Variants in SCN1A observed in about 807,000 individuals in gnomAD.
The protein encoded by SCN1A is sodium channel protein type 1 subunit alpha.
Under a neutral mutation model 193.7 loss-of-function variants are expected in SCN1A, and 13 were observed. The ratio of observed to expected loss-of-function variants is 0.07; its 90% CI spans 0.04 to 0.11. The LOEUF is 0.11. Among genes scored for constraint, SCN1A ranks in the 10% least tolerant of loss-of-function variants. The pLI is 1.00. For synonymous variants in SCN1A, 781 were observed against 843.6 expected (o/e 0.93, Z 1.29); for missense variants, 1,432 against 2,451.1 (o/e 0.58, Z 8.78).
intron 2 of SCN1A, among the ~76,000 whole-genome samples, chr2:166,105,484 A>G (rs567382579): frequency 4.6e-4 from 70 of 152,338 alleles, no homozygotes; most frequent in African/African-American, 1.6e-3. Context: ...GAAACCCTTT[A>G]TATTAAAATA....
intron 9 of SCN1A, among the ~76,000 whole-genome samples, chr2:166,049,758 C>T (rs2105878734): frequency 6.6e-6 from 1 of 152,064 alleles, no homozygotes; most frequent in South Asian, 2.1e-4. Context: ...TTGAATTATT[C>T]TTAGGATGAC....
chr2:166,112,489 C>CT (rs1259287156), intron 2 of SCN1A, among the ~76,000 whole-genome samples: 2 of 152,088 alleles, frequency 1.3e-5, no homozygotes, highest in Non-Finnish European at 2.9e-5. Context: ...GTGTGACTCA[C>CT]TTTATTGCAA....
Position 166,077,764 on chromosome 2 carries a change from C to T in SCN1A, c.-104G>A, listed in dbSNP as rs58351961. 11,676 of 152,256 alleles carry T rather than the reference C, an allele frequency of 0.077. 1,218 individuals are homozygous for T. The highest frequency in any genetic ancestry group is 0.24 in the African/African-American group (9,882 of 41,468). The allele number at this position is 152,256 out of a possible 1,614,324, so 9.4% of individuals were successfully genotyped here. A position where few individuals can be genotyped will look rare whatever the true frequency, so the allele number is the denominator to read the frequency against. On this transcript the variant is annotated 5_prime_UTR_variant, in exon 3 of 29. In the 5' UTR this introduces an upstream ATG that the reference lacks. Coordinates refer to ENST00000674923, the MANE Select transcript of SCN1A (RefSeq NM_001165963.4). ...TTATGTCCACACAAAATCCTGCACA[C>T]GGATGTATACAGCAGCCTTATTCAT...
intron 10 of SCN1A, among the ~76,000 whole-genome samples, chr2:166,048,379 A>T (rs1253728975): frequency 6.6e-6 from 1 of 151,928 alleles, no homozygotes. Flanking sequence ...GGTAGGCCCT[A>T]GTGTGTGTTG....
At chr2:166,088,056 T>G (rs900220583) in intron 2 of SCN1A, among the ~76,000 whole-genome samples, 96 of 146,844 alleles carry the variant, frequency 6.5e-4, no homozygotes, top group African/African-American at 2.4e-3. Flanking sequence ...ATCTGTGTGT[T>G]TGTGTGTGTG....
rs149489734 is a variant in SCN1A at position 166,074,294 on chromosome 2, G to A, written c.-49-624C>T. Among the ~76,000 whole-genome samples, 1,091 of 152,272 alleles carry A rather than the reference G, an allele frequency of 7.2e-3. 7 individuals carry two copies. Among genetic ancestry groups the A allele is most frequent in the Admixed American group, 0.017 (263 of 15,284 alleles). Reference sequence around the variant, plus strand: ...ACACATAAAGATAAAGACAGTCCACGGTTGGACAAATGTCATTTATGTGAG... The same window carrying A: ...ACACATAAAGATAAAGACAGTCCACAGTTGGACAAATGTCATTTATGTGAG... On this transcript the variant is annotated intron_variant, in intron 3 of 28. Coordinates refer to ENST00000674923, the MANE Select transcript of SCN1A (RefSeq NM_001165963.4).
chr2:166,069,089 G>C (rs1453109832), intron 4 of SCN1A, among the ~76,000 whole-genome samples: 2 of 152,176 alleles, frequency 1.3e-5, no homozygotes, highest in Non-Finnish European at 2.9e-5. Context: ...GGAAAAAAAG[G>C]TGTGTTCACA....
At chr2:166,001,879 C>CTT (rs71393699) in intron 24 of SCN1A, among the ~76,000 whole-genome samples, 32 of 46,402 alleles carry the variant, frequency 6.9e-4, no homozygotes, top group African/African-American at 1.4e-3. Flanking sequence ...AATTCTCTCT[C>CTT]TTTTTTTTTT....
intron 9 of SCN1A, among the ~76,000 whole-genome samples, chr2:166,050,670 G>T (rs1698455860): frequency 2.3e-5 from 2 of 87,968 alleles, no homozygotes; most frequent in Admixed American, 2.7e-4. Context: ...GTAGAGAAGG[G>T]GTCTCACTAT....
chr2:166,095,664 T>C (rs1452018715), intron 2 of SCN1A, among the ~76,000 whole-genome samples: 1 of 152,218 alleles, frequency 6.6e-6, no homozygotes, highest in Non-Finnish European at 1.5e-5. Flanking sequence ...GTATAGTTTG[T>C]TCTTGGTTCA....
rs1688621490 is a variant in SCN1A, at chr2:165,986,564, G to T, written c.*4681C>A. On this transcript the variant is annotated 3_prime_UTR_variant, in exon 29 of 29. Transcript: ENST00000674923. ...TTACTGCTAGGAAATGAGAATAGTA[G>T]TTAAAAAACCAGTATATATTGAATT... is the stretch of plus-strand genomic sequence containing the variant. 1 of 151,912 alleles carries T rather than the reference G, an allele frequency of 6.6e-6. No individual in the cohort carries two copies. Among genetic ancestry groups the T allele is most frequent in the African/African-American group, 2.4e-5 (1 of 41,368 alleles). 9.4% of individuals were successfully genotyped at this position (151,912 alleles called of 1,614,324 possible). A position where few individuals can be genotyped will look rare whatever the true frequency, so the allele number is the denominator to read the frequency against.
intron 2 of SCN1A, among the ~76,000 whole-genome samples, chr2:166,103,590 T>C (rs997583844): frequency 4.0e-4 from 60 of 151,478 alleles, no homozygotes; most frequent in African/African-American, 1.3e-3. Context: ...GGGGGAAAAA[T>C]GTTAAGAGAA....
In SCN1A at chr2:166,012,099, C is replaced by T. The variant is rs202002728; in HGVS notation, c.3879+10G>A. ...CCTTGAACAGAGACAAAAATATGAA[C>T]GATACCTACATCAACAATTAAGAAG... On this transcript the variant is annotated intron_variant, in intron 22 of 28. Coordinates refer to ENST00000674923, the MANE Select transcript of SCN1A (RefSeq NM_001165963.4). 3.2e-5 allele frequency: 52 copies of T among 1,608,416 alleles called. No individual in the cohort carries two copies. The highest frequency in any genetic ancestry group is 3.7e-5 in the Non-Finnish European group (44 of 1,175,970).
intron 4 of SCN1A, among the ~76,000 whole-genome samples, chr2:166,061,744 G>C (rs1446128761): frequency 6.6e-6 from 1 of 152,064 alleles, no homozygotes; most frequent in Non-Finnish European, 1.5e-5. Flanking sequence ...CTGAAACTAA[G>C]TAAGATGAGT....
intron 22 of SCN1A, among the ~76,000 whole-genome samples, chr2:166,011,791 A>G (rs1692497018): frequency 6.6e-6 from 1 of 151,054 alleles, no homozygotes. Flanking sequence ...TCTGACTCAC[A>G]ACATAAAGGA....
Position 166,102,623 on chromosome 2 carries a change from G to A in SCN1A, c.-142+24301C>T, listed in dbSNP as rs183461263. Among the ~76,000 whole-genome samples the A allele has an allele frequency of 8.4e-4, 127 of 152,038 alleles. 1 individual carries two copies. The highest frequency in any genetic ancestry group is 2.9e-3 in the African/African-American group (121 of 41,466). ...GAGAATGGATATTAGTTCAGCCACTGTGGAAGGCAGTTTGAAGATTTCTCA... is the reference window on the plus strand; with the variant it reads ...GAGAATGGATATTAGTTCAGCCACTATGGAAGGCAGTTTGAAGATTTCTCA... On this transcript the variant is annotated intron_variant, in intron 2 of 28. Transcript: ENST00000674923.
chr2:166,094,072 A>G (rs1687118982), intron 2 of SCN1A, among the ~76,000 whole-genome samples: 2 of 152,044 alleles, frequency 1.3e-5, no homozygotes, highest in Admixed American at 1.3e-4. Flanking sequence ...CACAAAAATG[A>G]TCTTTAACAT....
chr2:166,127,068 G>A (rs1031489229), intron 1 of SCN1A, 58 bp from the exon 2 acceptor site: 3 of 152,214 alleles, frequency 2.0e-5, no homozygotes, highest in African/African-American at 4.8e-5. Flanking sequence ...ATCATTGCTG[G>A]TTGTGACCTC....
chr2:166,048,947 A>T lies in SCN1A; in HGVS notation c.967T>A (p.Tyr323Asn), dbSNP rs2105874638. The change falls in exon 10 of 29, where the codon TAT (tyrosine) becomes AAT (asparagine). Residue 323 changes from tyrosine (Y) to asparagine (N), a missense_variant and splice_region_variant. By Grantham distance (143) the Tyr-to-Asn change is moderately radical (BLOSUM62 -2). Coordinates refer to ENST00000674923, the MANE Select transcript of SCN1A (RefSeq NM_001165963.4). ...AAAAAACCCTCCAGGAAATAATGAT[A>T]TCCTGTTTGAAAAAAGAAAGTCGTA... ...DWKSYIQDSR[Y>N]HYFLEGFLDA... The T allele has an allele frequency of 6.3e-7, 1 of 1,592,928 alleles. No individual in the cohort carries two copies. Among genetic ancestry groups the T allele is most frequent in the Non-Finnish European group, 8.6e-7 (1 of 1,161,370 alleles).
Sources: gnomAD v4.1 joint callset for allele counts (sites outside exome capture counted in the v4.1 genomes callset) on GRCh38, gnomAD v4.1.1 for gene constraint, MANE v1.5 for transcripts, NCBI Gene and HGNC (gene_info 2026-07-23, HGNC 2026-07-21) for gene names.